Variants in GALNT9 observed in about 807,000 individuals in gnomAD.
GALNT9 encodes GalNAc transferase 9.
Under a neutral mutation model 63.1 loss-of-function variants are expected in GALNT9, and 47 were observed. That is an observed-to-expected ratio of 0.75 (90% CI 0.59 to 0.95). The LOEUF is 0.95. Among genes scored for constraint, GALNT9 ranks in the 40% least tolerant of loss-of-function variants. The pLI is 0.00. For missense variants in GALNT9, 829 were observed against 874.8 expected (o/e 0.95, Z 0.66); for synonymous variants, 396 against 365.7 (o/e 1.08, Z -0.94).
chr12:132,214,495 A>C (rs1028800549), intron 6 of GALNT9, among the ~76,000 whole-genome samples: 8 of 152,142 alleles, frequency 5.3e-5, no homozygotes, highest in Admixed American at 4.6e-4. Context: ...CCCACCAGCC[A>C]ACGCGAATCC....
chr12:132,307,434 T>C (rs1354243673), intron 1 of GALNT9, among the ~76,000 whole-genome samples: 1 of 152,060 alleles, frequency 6.6e-6, no homozygotes, highest in Non-Finnish European at 1.5e-5. Flanking sequence ...TCTGTCAATT[T>C]CCATGGTCAA....
chr12:132,281,491 T>C (rs1311915950), intron 2 of GALNT9, among the ~76,000 whole-genome samples: 2 of 152,224 alleles, frequency 1.3e-5, no homozygotes, highest in African/African-American at 4.8e-5. Flanking sequence ...TGTGTAAATA[T>C]CTATATAAAA....
intron 6 of GALNT9, among the ~76,000 whole-genome samples, chr12:132,206,947 C>T (rs1442248343): frequency 6.6e-6 from 1 of 152,178 alleles, no homozygotes; most frequent in Non-Finnish European, 1.5e-5. Flanking sequence ...TGCCTGCGGT[C>T]CCAGCTGCTT....
intron 1 of GALNT9, among the ~76,000 whole-genome samples, chr12:132,306,109 G>A (rs1214896672): frequency 6.6e-6 from 1 of 152,218 alleles, no homozygotes; most frequent in African/African-American, 2.4e-5. Flanking sequence ...ACGTTCTTGA[G>A]ACCCTCCCCA....
intron 2 of GALNT9, among the ~76,000 whole-genome samples, chr12:132,285,540 C>T (rs567245736): frequency 1.3e-5 from 2 of 152,384 alleles, no homozygotes; most frequent in South Asian, 2.1e-4. Flanking sequence ...CTGATTCACC[C>T]GCTCTTGCAG....
At position 132,286,159 on chromosome 12, in the gene GALNT9, C is replaced by G. The variant is rs1158156227; in HGVS notation, c.419+91G>C. 64 of 1,367,656 alleles carry G rather than the reference C, an allele frequency of 4.7e-5. No individual in the cohort carries two copies. Among genetic ancestry groups the G allele is most frequent in the Non-Finnish European group, 6.0e-5 (63 of 1,043,660 alleles). 84.7% of individuals were successfully genotyped at this position (1,367,656 alleles called of 1,614,324 possible). On this transcript the variant is annotated intron_variant, in intron 2 of 10. Transcript: ENST00000328957. This position sits in a 1 kb window ranked among gnomAD's most constrained non-coding sequence, Gnocchi z 7.4. ...CGTGGGGGCCGCTCACTTCCCCGGC[C>G]GGCGTGGGGGGCAGTCACTTCCCTG...
At chr12:132,322,518 G>A (rs1868848227) in intron 1 of GALNT9, among the ~76,000 whole-genome samples, 1 of 152,382 alleles carries the variant, frequency 6.6e-6, no homozygotes, top group Admixed American at 6.5e-5. Flanking sequence ...CCGTGACTCA[G>A]TTGCCCCACA....
intron 1 of GALNT9, among the ~76,000 whole-genome samples, chr12:132,298,108 C>A (rs542349137): frequency 1.3e-5 from 2 of 152,274 alleles, no homozygotes; most frequent in South Asian, 4.1e-4. Context: ...ATAACCAAGT[C>A]ATTCCCAAGA....
rs558022594 is a variant in GALNT9, at chr12:132,271,678, G to A, written c.420-9053C>T. ...GCCTCGTGCCTTGCCGTGATGCTCC[G>A]GCATGGGGTCTGTAAATGGACCCTG... On this transcript the variant is annotated intron_variant, in intron 2 of 10. Coordinates refer to ENST00000328957, the MANE Select transcript of GALNT9 (RefSeq NM_001122636.2). Among the ~76,000 whole-genome samples, 65 of 152,284 alleles carry A rather than the reference G, an allele frequency of 4.3e-4. 3 individuals are homozygous for A. Among genetic ancestry groups the A allele is most frequent in the East Asian group, 1.9e-4 (1 of 5,168 alleles).
At chr12:132,324,672 C>A (rs995657238) in intron 1 of GALNT9, among the ~76,000 whole-genome samples, 1 of 152,084 alleles carries the variant, frequency 6.6e-6, no homozygotes, top group Non-Finnish European at 1.5e-5. Context: ...CCATCTAGAC[C>A]GCCGCCCTCT....
intron 6 of GALNT9, among the ~76,000 whole-genome samples, chr12:132,217,391 A>C (rs1041121354): frequency 1.4e-5 from 2 of 147,474 alleles, no homozygotes; most frequent in Non-Finnish European, 3.0e-5. Flanking sequence ...CCACCTAGCC[A>C]CTATCTATCC....
chr12:132,215,261 C>A (rs1489580750), intron 6 of GALNT9, among the ~76,000 whole-genome samples: 7 of 152,270 alleles, frequency 4.6e-5, no homozygotes, highest in African/African-American at 1.7e-4. Context: ...CTCTCAGGGA[C>A]AAAAGTACTT....
chr12:132,208,720 A>C (rs1482642328), intron 6 of GALNT9, among the ~76,000 whole-genome samples: 2 of 152,188 alleles, frequency 1.3e-5, no homozygotes, highest in Non-Finnish European at 2.9e-5. Flanking sequence ...TGCTCCACAT[A>C]GACCATGTGC....
intron 6 of GALNT9, among the ~76,000 whole-genome samples, chr12:132,210,678 G>C (rs1157383691): frequency 6.6e-6 from 1 of 152,230 alleles, no homozygotes; most frequent in Non-Finnish European, 1.5e-5. Context: ...GCATGGGCAG[G>C]CTGTGCTGCG....
intron 6 of GALNT9, among the ~76,000 whole-genome samples, chr12:132,247,153 C>T (rs533915410): frequency 2.8e-4 from 42 of 151,130 alleles, no homozygotes; most frequent in Admixed American, 2.6e-4. Context: ...CACACGGACA[C>T]GGTCCCGGGA....
At chr12:132,326,862 T>C (rs1195445902) in intron 1 of GALNT9, among the ~76,000 whole-genome samples, 2 of 152,084 alleles carry the variant, frequency 1.3e-5, no homozygotes, top group African/African-American at 4.8e-5. Flanking sequence ...TCAGAGCGGG[T>C]AATGCTGTTT....
At chr12:132,290,394 A>AACGCGCTGTGT (rs1166175364) in intron 1 of GALNT9, among the ~76,000 whole-genome samples, 1 of 152,138 alleles carries the variant, frequency 6.6e-6, no homozygotes, top group Non-Finnish European at 1.5e-5. Context: ...AGGCCGTCCC[A>AACGCGCTGTGT]ACGCGCTGTG....
At chr12:132,243,699 G>T (rs1253702903) in intron 6 of GALNT9, among the ~76,000 whole-genome samples, 1 of 152,126 alleles carries the variant, frequency 6.6e-6, no homozygotes, top group Non-Finnish European at 1.5e-5. Flanking sequence ...TGGCTGTCCT[G>T]GGGCCACTGA....
chr12:132,201,764 G>A (rs1876145145), intron 7 of GALNT9, among the ~76,000 whole-genome samples: 1 of 152,206 alleles, frequency 6.6e-6, no homozygotes, highest in Non-Finnish European at 1.5e-5. Context: ...CCCCGCGGGG[G>A]GACACCTGAG....
Sources: gnomAD v4.1 joint callset for allele counts (sites outside exome capture counted in the v4.1 genomes callset) on GRCh38, gnomAD v4.1.1 for gene constraint, Gnocchi (gnomAD v3.1) non-coding constraint, MANE v1.5 for transcripts, NCBI Gene and HGNC (gene_info 2026-07-23, HGNC 2026-07-21) for gene names.